CFAP43: variants seen among roughly 807,000 people sequenced by gnomAD.
The protein encoded by CFAP43 is cilia and flagella associated protein 43, also known as cilia- and flagella-associated protein 43.
Under a neutral mutation model 218.9 loss-of-function variants are expected in CFAP43, and 155 were observed. The ratio of observed to expected loss-of-function variants is 0.71; its 90% confidence interval spans 0.62 to 0.81. The LOEUF (loss-of-function observed/expected upper bound fraction) is 0.81. Ranked by LOEUF, CFAP43 falls within the 30% of genes least tolerant of loss-of-function variation. CFAP43 has a pLI of 0.00. For synonymous variants in CFAP43, 645 were observed against 681.3 expected, an observed-to-expected ratio of 0.95 and a Z score of 0.83; for missense variants, 1,778 against 1,954.3, an observed-to-expected ratio of 0.91 and a Z score of 1.70.
rs2061861952 is a variant in CFAP43, at chr10:104,156,442, A to G, written c.3541-3716T>C. Among the ~76,000 whole-genome samples, 3 of 152,160 alleles carry G rather than the reference A, an allele frequency of 2.0e-5. No homozygotes were observed. In the South Asian group the frequency reaches 6.2e-4, roughly 32 times the overall value. On this transcript the variant is annotated intron_variant, in intron 27 of 37. Transcript: ENST00000357060. ...GGACTGTTTCTTTATTTCCAAAAAG[A>G]TACCTGTTAATATTCAGTATCACAA...
chr10:104,213,482 G>A (rs767380949), intron 4 of CFAP43, among the ~76,000 whole-genome samples: 10 of 152,046 alleles, frequency 6.6e-5, no homozygotes, highest in Non-Finnish European at 1.5e-4. Context: ...AACTCCCATG[G>A]CTCCACTATA....
At chr10:104,193,328 G>A (rs1185891100) in intron 11 of CFAP43, 3 of 152,312 alleles carry the variant, frequency 2.0e-5, no homozygotes, top group East Asian at 1.9e-4. Flanking sequence ...ATACGATTAA[G>A]TGAAAAAAGA....
Position 104,182,454 on chromosome 10 carries a change from GA to G in CFAP43, c.2200del (p.Ser734ProfsTer2). 6.2e-7 allele frequency: 1 copy of G among 1,612,342 alleles called. No individual in the cohort carries two copies. Among genetic ancestry groups the G allele is most frequent in the Non-Finnish European group, 8.5e-7 (1 of 1,179,384 alleles). ...CTCCTTGTCCATGGCGCTGCTCAGG[GA>G]AATTAATAGTTTCTGGTAATAGTCC... ...ILDYYQKLLI[S>X]LSSAMDKENH... On this transcript the variant is annotated frameshift_variant, in exon 17 of 38. Transcript: ENST00000357060. LOFTEE classifies it high-confidence loss of function.
intron 24 of CFAP43, among the ~76,000 whole-genome samples, chr10:104,163,033 G>A (rs946268827): frequency 9.2e-5 from 14 of 152,158 alleles, no homozygotes; most frequent in Admixed American, 9.2e-4. Flanking sequence ...GGTCCTTGCT[G>A]TCACCTTGCT....
chr10:104,175,757 G>A (rs901706935), intron 19 of CFAP43, among the ~76,000 whole-genome samples: 7 of 152,110 alleles, frequency 4.6e-5, no homozygotes, highest in Non-Finnish European at 7.4e-5. Flanking sequence ...GTGCCACCAC[G>A]CCCAAGTTTC....
intron 23 of CFAP43, among the ~76,000 whole-genome samples, chr10:104,165,882 T>G (rs2089127413): frequency 6.6e-6 from 1 of 152,188 alleles, no homozygotes; most frequent in African/African-American, 2.4e-5. Flanking sequence ...TTCTAGTGTT[T>G]TCTTTTCTCT....
chr10:104,188,248 T>C, intron 13 of CFAP43, 22 bp downstream of exon 13: 5 of 1,612,348 alleles, frequency 3.1e-6, no homozygotes, highest in Non-Finnish European at 4.2e-6. Flanking sequence ...GGAGCAGAAC[T>C]GGCTGCTTAT....
intron 8 of CFAP43, among the ~76,000 whole-genome samples, chr10:104,198,732 C>A (rs111239316): frequency 6.6e-6 from 1 of 151,616 alleles, no homozygotes; most frequent in South Asian, 2.1e-4. Context: ...CTCACTGCAA[C>A]GTCTGCCTCC....
intron 27 of CFAP43, among the ~76,000 whole-genome samples, chr10:104,155,091 C>T (rs1481067077): frequency 1.3e-5 from 2 of 152,144 alleles, no homozygotes; most frequent in African/African-American, 2.4e-5. Context: ...AGGAAAAACC[C>T]TGATTCCCAG....
At chr10:104,182,537 CAG>C in intron 16 of CFAP43, 24 bp from the exon 17 acceptor site, 1 of 1,553,490 alleles carries the variant, frequency 6.4e-7, no homozygotes, top group Non-Finnish European at 8.6e-7. Context: ...AAAGAAAACA[CAG>C]AGGCTATAAA....
chr10:104,162,363 T>C lies in CFAP43; in HGVS notation c.3287A>G (p.Lys1096Arg). 6.2e-7 allele frequency: 1 copy of C among 1,614,210 alleles called. No homozygotes were observed. The highest frequency in any genetic ancestry group is 8.5e-7 in the Non-Finnish European group (1 of 1,180,018). The stretch of plus-strand genomic sequence containing the variant: ...CTTTTCATGATTCACGATCAATTCT[T>C]TGGCTTTGTGCCACGGCTTAATGTG... ...HKHIKPWHKA[K>R]ELIVNHEKEH... The change falls in exon 25 of 38, where the codon AAA (lysine) becomes AGA (arginine). Residue 1096 changes from lysine (K) to arginine (R), a missense_variant. Around this residue, in one of 3 missense-constraint regions of CFAP43, gnomAD observed 1,553 missense variants for 1,685.2 expected, o/e 0.92. Coordinates refer to ENST00000357060, the MANE Select transcript of CFAP43 (RefSeq NM_025145.7).
At chr10:104,144,141 C>T (rs1280369991) in intron 31 of CFAP43, among the ~76,000 whole-genome samples, 1 of 152,210 alleles carries the variant, frequency 6.6e-6, no homozygotes, top group Non-Finnish European at 1.5e-5. Flanking sequence ...GAGGTTGAAA[C>T]TATATTATCA....
chr10:104,193,297 A>G (rs1195238351), intron 11 of CFAP43: 1 of 152,274 alleles, frequency 6.6e-6, no homozygotes, highest in Non-Finnish European at 1.5e-5. Context: ...TTATGTGTGG[A>G]TATAAAACAT....
chr10:104,166,007 T>C (rs2089132820), intron 23 of CFAP43, among the ~76,000 whole-genome samples: 1 of 152,226 alleles, frequency 6.6e-6, no homozygotes, highest in African/African-American at 2.4e-5. Flanking sequence ...GCAACTCTTG[T>C]ACACAAGATC....
chr10:104,224,850 C>A (rs1360735777), intron 3 of CFAP43, among the ~76,000 whole-genome samples: 1 of 151,626 alleles, frequency 6.6e-6, no homozygotes, highest in Non-Finnish European at 1.5e-5. Flanking sequence ...AGTATGTTAT[C>A]CTTTAATCAT....
intron 33 of CFAP43, among the ~76,000 whole-genome samples, chr10:104,141,520 G>A (rs1195959156): frequency 2.6e-5 from 4 of 152,124 alleles, no homozygotes; most frequent in African/African-American, 9.7e-5. Context: ...GCTGAGGCAT[G>A]AGATCTCTTG....
chr10:104,184,280 A>G (rs2089957985), intron 16 of CFAP43, among the ~76,000 whole-genome samples: 1 of 152,096 alleles, frequency 6.6e-6, no homozygotes, highest in South Asian at 2.1e-4. Flanking sequence ...TTGTTTGGGG[A>G]CTGAAACTGT....
At position 104,132,582 on chromosome 10, in the gene CFAP43, T is replaced by C. The variant is rs889062835; in HGVS notation, c.4597-386A>G. The C allele has an allele frequency of 8.5e-6, 8 of 938,854 alleles. No individual in the cohort carries two copies. In the African/African-American group the frequency reaches 1.4e-4, roughly 17 times the overall value. The allele number at this position is 938,854 out of a possible 1,614,324, so 58.2% of individuals were successfully genotyped here. A position where few individuals can be genotyped will look rare whatever the true frequency, so the allele number is the denominator to read the frequency against. ...GTGAGCGGATATCACACCATTGCAC[T>C]CCACCTGGGCAAAAAGAGCAAAACC... On this transcript the variant is annotated intron_variant, in intron 35 of 37. Coordinates refer to ENST00000357060, the MANE Select transcript of CFAP43 (RefSeq NM_025145.7).
intron 8 of CFAP43, among the ~76,000 whole-genome samples, chr10:104,199,070 T>C (rs2090458552): frequency 6.6e-6 from 1 of 152,204 alleles, no homozygotes; most frequent in Non-Finnish European, 1.5e-5. Context: ...GTTGTTAAGA[T>C]GTACTAAATC....
Sources: gnomAD v4.1 joint callset for allele counts (sites outside exome capture counted in the v4.1 genomes callset) on GRCh38, gnomAD v4.1.1 for gene constraint, gnomAD v4.1.1 regional missense constraint, MANE v1.5 for transcripts, NCBI Gene and HGNC (gene_info 2026-07-23, HGNC 2026-07-21) for gene names.